The following CDH6 variants were observed in gnomAD, a reference collection of about 807,000 sequenced individuals.
CDH6 encodes the protein cadherin 6, also known as cadherin-6.
A neutral mutation model predicts 78.0 loss-of-function variants in CDH6; 31 were observed. That is an observed-to-expected ratio of 0.40 (90% confidence interval 0.30 to 0.54). CDH6 has a LOEUF of 0.54. CDH6 is among the 20% of genes least tolerant of loss of function. CDH6 has a pLI of 0.56. For synonymous variants in CDH6, 376 were observed against 368.8 expected (o/e 1.02, Z -0.23); for missense variants, 724 against 975.9 (o/e 0.74, Z 3.44).
At chr5:31,243,968 G>C (rs1047642015) in intron 1 of CDH6, among the ~76,000 whole-genome samples, 1 of 152,164 alleles carries the variant, frequency 6.6e-6, no homozygotes, top group Non-Finnish European at 1.5e-5. Context: ...AAGTTCATTT[G>C]TTTTTATGAC....
intron 1 of CDH6, among the ~76,000 whole-genome samples, chr5:31,213,868 C>G (rs1257594064): frequency 6.6e-6 from 1 of 151,986 alleles, no homozygotes; most frequent in African/African-American, 2.4e-5. Context: ...CCCCTCCTGG[C>G]AGGCACCTGC....
At chr5:31,242,856 T>C (rs1402590405) in intron 1 of CDH6, among the ~76,000 whole-genome samples, 1 of 145,862 alleles carries the variant, frequency 6.9e-6, no homozygotes, top group African/African-American at 2.7e-5. Flanking sequence ...ACCTCGCCTC[T>C]ACTAAAAAAA....
intron 2 of CDH6, among the ~76,000 whole-genome samples, chr5:31,281,797 G>T (rs1386560716): frequency 6.6e-6 from 1 of 152,142 alleles, no homozygotes; most frequent in Non-Finnish European, 1.5e-5. Flanking sequence ...TAATCAGTGT[G>T]GGGAGGGTTG....
chr5:31,292,532 G>A (rs980796455), intron 2 of CDH6, among the ~76,000 whole-genome samples: 14 of 152,122 alleles, frequency 9.2e-5, no homozygotes, highest in African/African-American at 3.4e-4. Context: ...GAAAGACTTG[G>A]CATAACTGTT....
At chr5:31,215,947 T>C (rs1414442655) in intron 1 of CDH6, among the ~76,000 whole-genome samples, 1 of 152,168 alleles carries the variant, frequency 6.6e-6, no homozygotes, top group African/African-American at 2.4e-5. Flanking sequence ...AATGACTGTG[T>C]GTTTACACTC....
intron 1 of CDH6, among the ~76,000 whole-genome samples, chr5:31,260,761 G>C (rs1208826370): frequency 3.9e-5 from 6 of 152,204 alleles, no homozygotes; most frequent in Non-Finnish European, 8.8e-5. Flanking sequence ...TTCATGGTGA[G>C]AGGTGCCAAA....
At chr5:31,263,013 G>A (rs926212571) in intron 1 of CDH6, among the ~76,000 whole-genome samples, 2 of 151,860 alleles carry the variant, frequency 1.3e-5, no homozygotes, top group African/African-American at 2.4e-5. Context: ...TCCCATTTAC[G>A]GTTTTTCAGG....
At chr5:31,271,761 T>A (rs1421242767) in intron 2 of CDH6, among the ~76,000 whole-genome samples, 2 of 152,076 alleles carry the variant, frequency 1.3e-5, no homozygotes, top group African/African-American at 4.8e-5. Flanking sequence ...TGGGAACTTG[T>A]TAGGAAGGCA....
chr5:31,250,940 C>CCT (rs1315854472), intron 1 of CDH6: 4 of 152,468 alleles, frequency 2.6e-5, no homozygotes, highest in African/African-American at 9.6e-5. Flanking sequence ...GGAAAAGGTC[C>CCT]CTCCACCACT....
chr5:31,305,199 T>C lies in CDH6; in HGVS notation c.1025T>C (p.Val342Ala). 2 of 1,613,886 alleles carry C rather than the reference T, an allele frequency of 1.2e-6. No individual in the cohort carries two copies. The highest frequency in any genetic ancestry group is 1.7e-6 in the Non-Finnish European group (2 of 1,179,952). Residue 342 changes from valine (V) to alanine (A), a missense_variant, in exon 7 of 12, where the codon GTG (valine) becomes GCG (alanine). Coordinates refer to ENST00000265071, the MANE Select transcript of CDH6 (RefSeq NM_004932.4). ...CTCTTGGACTTTGAAAAGAAGAAAG[T>C]GTATACCCTTAAAGTGGAAGCCTCC... ...KKLLDFEKKK[V>A]YTLKVEASNP...
chr5:31,217,566 G>C (rs1395588805), intron 1 of CDH6, among the ~76,000 whole-genome samples: 1 of 152,118 alleles, frequency 6.6e-6, no homozygotes, highest in Non-Finnish European at 1.5e-5. Context: ...ACTATTAATT[G>C]AGCACTTTAA....
chr5:31,298,257 T>C (rs1399450378), intron 4 of CDH6, among the ~76,000 whole-genome samples: 3 of 152,258 alleles, frequency 2.0e-5, no homozygotes, highest in South Asian at 2.1e-4. Flanking sequence ...TTTCCTTTTA[T>C]ACATTTTTTA....
chr5:31,229,224 G>A (rs1165874258), intron 1 of CDH6, among the ~76,000 whole-genome samples: 1 of 152,186 alleles, frequency 6.6e-6, no homozygotes, highest in Non-Finnish European at 1.5e-5. Flanking sequence ...GGAAGAAAGG[G>A]CAAAACAAAG....
chr5:31,302,515 G>A (rs1737794375), intron 6 of CDH6: 1 of 401,200 alleles, frequency 2.5e-6, no homozygotes, highest in African/African-American at 2.0e-5. Flanking sequence ...TTGAGTCCTG[G>A]AGTTTGAGAC....
At chr5:31,303,085 A>G (rs560000247) in intron 6 of CDH6, among the ~76,000 whole-genome samples, 4 of 152,302 alleles carry the variant, frequency 2.6e-5, no homozygotes, top group African/African-American at 7.2e-5. Flanking sequence ...AATTTTTATT[A>G]AGAACCTCCT....
chr5:31,210,396 C>G (rs562636419), intron 1 of CDH6, among the ~76,000 whole-genome samples: 1 of 152,066 alleles, frequency 6.6e-6, no homozygotes, highest in Non-Finnish European at 1.5e-5. Context: ...CCCAGCTACT[C>G]AGGAGGCTGA....
intron 1 of CDH6, among the ~76,000 whole-genome samples, chr5:31,231,935 G>A (rs1293633459): frequency 1.3e-5 from 2 of 152,206 alleles, no homozygotes; most frequent in African/African-American, 2.4e-5. Flanking sequence ...CACTTAAGGA[G>A]TAGAGTAAGC....
chr5:31,205,894 A>G (rs1309969964), intron 1 of CDH6, among the ~76,000 whole-genome samples: 1 of 152,250 alleles, frequency 6.6e-6, no homozygotes, highest in Non-Finnish European at 1.5e-5. Flanking sequence ...CATTCTAAAT[A>G]TCTTACATGA....
At chr5:31,238,552 A>T (rs58079787) in intron 1 of CDH6, among the ~76,000 whole-genome samples, 1,897 of 152,336 alleles carry the variant, frequency 0.012, 43 homozygotes, top group African/African-American at 0.043. Flanking sequence ...CCTAACAATT[A>T]CTGCAATTAT....
Sources: gnomAD v4.1 joint callset for allele counts (sites outside exome capture counted in the v4.1 genomes callset) on GRCh38, gnomAD v4.1.1 for gene constraint, MANE v1.5 for transcripts, NCBI Gene and HGNC (gene_info 2026-07-23, HGNC 2026-07-21) for gene names.